CNTNAP2: variants seen among roughly 807,000 people sequenced by gnomAD.
The protein encoded by CNTNAP2 is contactin-associated protein-like 2.
In CNTNAP2, 98 loss-of-function variants were observed where a neutral mutation model predicts 155.2. The observed-to-expected ratio is 0.63, with a 90% CI of 0.54 to 0.75. CNTNAP2 has a LOEUF of 0.75. Ranked by LOEUF, CNTNAP2 falls within the 30% of genes least tolerant of loss-of-function variation. CNTNAP2 has a pLI of 0.00. For synonymous variants in CNTNAP2, 651 were observed against 631.2 expected (o/e 1.03, Z -0.47); for missense variants, 1,727 against 1,688.1 (o/e 1.02, Z -0.40).
intron 13 of CNTNAP2, among the ~76,000 whole-genome samples, chr7:147,868,583 G>T (rs983458024): frequency 3.3e-5 from 5 of 152,246 alleles, no homozygotes; most frequent in African/African-American, 9.6e-5. Flanking sequence ...CAGAGGTGGA[G>T]TCTATAGAGG....
At chr7:148,119,492 C>G (rs954913506) in intron 16 of CNTNAP2, among the ~76,000 whole-genome samples, 1 of 152,104 alleles carries the variant, frequency 6.6e-6, no homozygotes, top group Non-Finnish European at 1.5e-5. Flanking sequence ...GCCTAGATTG[C>G]GCCACTGCAC....
At chr7:147,546,691 C>T (rs1429176871) in intron 11 of CNTNAP2, among the ~76,000 whole-genome samples, 1 of 152,166 alleles carries the variant, frequency 6.6e-6, no homozygotes, top group Non-Finnish European at 1.5e-5. Context: ...AGGAGAAAAG[C>T]CAATACAACA....
chr7:146,307,640 C>A (rs1265546771), intron 1 of CNTNAP2, among the ~76,000 whole-genome samples: 2 of 152,168 alleles, frequency 1.3e-5, no homozygotes, highest in Admixed American at 1.3e-4. Context: ...AGATACAGAC[C>A]AATGGAACAG....
chr7:147,048,711 T>G (rs1471755865), intron 4 of CNTNAP2, among the ~76,000 whole-genome samples: 1 of 152,226 alleles, frequency 6.6e-6, no homozygotes, highest in Non-Finnish European at 1.5e-5. Flanking sequence ...ATTTAATTTT[T>G]AATTCATTTA....
chr7:147,829,913 G>C (rs1470200490), intron 13 of CNTNAP2, among the ~76,000 whole-genome samples: 2 of 151,970 alleles, frequency 1.3e-5, no homozygotes, highest in Non-Finnish European at 2.9e-5. Flanking sequence ...ACAGGCTCTG[G>C]TGAATCCCAC....
chr7:147,699,509 T>C (rs1394031095), intron 13 of CNTNAP2, among the ~76,000 whole-genome samples: 1 of 152,018 alleles, frequency 6.6e-6, no homozygotes, highest in Admixed American at 6.6e-5. Context: ...AGATGACGGG[T>C]TGATGGGTGC....
intron 1 of CNTNAP2, among the ~76,000 whole-genome samples, chr7:146,239,857 C>T (rs1056657126): frequency 6.6e-6 from 1 of 152,100 alleles, no homozygotes; most frequent in African/African-American, 2.4e-5. Context: ...TGCAACACAT[C>T]TGAGGGAAAT....
chr7:147,340,717 C>A (rs1361248743), intron 9 of CNTNAP2, among the ~76,000 whole-genome samples: 2 of 151,932 alleles, frequency 1.3e-5, no homozygotes, highest in Admixed American at 6.6e-5. Flanking sequence ...TATTCATTTT[C>A]TTTCATATAT....
intron 1 of CNTNAP2, among the ~76,000 whole-genome samples, chr7:146,505,253 T>C (rs899196652): frequency 6.6e-6 from 1 of 152,192 alleles, no homozygotes; most frequent in African/African-American, 2.4e-5. Flanking sequence ...GTTGGACACA[T>C]TGGTCAACTC....
chr7:146,129,040 T>G (rs1048326311), intron 1 of CNTNAP2, among the ~76,000 whole-genome samples: 6 of 152,194 alleles, frequency 3.9e-5, no homozygotes, highest in African/African-American at 1.4e-4. Context: ...ATTTTTAAAT[T>G]TTAATTTATT....
intron 10 of CNTNAP2, among the ~76,000 whole-genome samples, chr7:147,457,515 T>C (rs2116580355): frequency 6.6e-6 from 1 of 152,068 alleles, no homozygotes; most frequent in South Asian, 2.1e-4. Context: ...ATTTAGTTCA[T>C]AATTTATCTC....
chr7:148,010,367 T>C (rs988366023), intron 15 of CNTNAP2, among the ~76,000 whole-genome samples: 2 of 151,964 alleles, frequency 1.3e-5, no homozygotes, highest in Admixed American at 6.6e-5. Context: ...AATTTGAATA[T>C]AGTAGAATTC....
chr7:146,663,263 G>A (rs1177244187), intron 1 of CNTNAP2, among the ~76,000 whole-genome samples: 1 of 105,420 alleles, frequency 9.5e-6, no homozygotes, highest in Non-Finnish European at 1.7e-5. Context: ...GGCAACAAGA[G>A]TGAAACTCCA....
chr7:146,719,288 G>C (rs1801244162), intron 1 of CNTNAP2, among the ~76,000 whole-genome samples: 1 of 152,032 alleles, frequency 6.6e-6, no homozygotes, highest in African/African-American at 2.4e-5. Context: ...AAATATGAGA[G>C]AATAACTAAG....
intron 8 of CNTNAP2, among the ~76,000 whole-genome samples, chr7:147,165,154 C>CA (rs11377734): frequency 0.46 from 70,431 of 151,596 alleles, 16,611 homozygotes; most frequent in East Asian, 0.64. Flanking sequence ...ATTTAAAATC[C>CA]AAAGTATTTT....
chr7:147,651,645 CA>C (rs1795452881), intron 13 of CNTNAP2, among the ~76,000 whole-genome samples: 1 of 152,096 alleles, frequency 6.6e-6, no homozygotes, highest in Non-Finnish European at 1.5e-5. Flanking sequence ...AATGAAGATA[CA>C]GTTTGGTTGA....
chr7:147,768,677 G>A (rs573613988), intron 13 of CNTNAP2, among the ~76,000 whole-genome samples: 16 of 152,034 alleles, frequency 1.1e-4, no homozygotes, highest in Middle Eastern at 3.4e-3. Context: ...TAATGGCCTC[G>A]GGTGTCACAG....
At chr7:147,601,615 T>A (rs1800945039) in intron 12 of CNTNAP2, among the ~76,000 whole-genome samples, 1 of 136,648 alleles carries the variant, frequency 7.3e-6, no homozygotes, top group Non-Finnish European at 1.5e-5. Flanking sequence ...TTAGTATGTA[T>A]CTCTTAAAGA....
intron 1 of CNTNAP2, among the ~76,000 whole-genome samples, chr7:146,317,990 A>G (rs1800937893): frequency 6.6e-6 from 1 of 152,026 alleles, no homozygotes; most frequent in Non-Finnish European, 1.5e-5. Flanking sequence ...AAATACAAAA[A>G]ATTAGCCAGG....
Sources: gnomAD v4.1 joint callset for allele counts (sites outside exome capture counted in the v4.1 genomes callset) on GRCh38, gnomAD v4.1.1 for gene constraint, MANE v1.5 for transcripts, NCBI Gene and HGNC (gene_info 2026-07-23, HGNC 2026-07-21) for gene names.